Variants in SRRM4 observed in about 807,000 individuals in gnomAD.
SRRM4 encodes serine/arginine repetitive matrix protein 4.
In SRRM4, 33 loss-of-function variants were observed where a neutral mutation model predicts 68.9. The observed-to-expected ratio is 0.48, with a 90% CI of 0.36 to 0.64. SRRM4 has a LOEUF of 0.64. Among genes scored for constraint, SRRM4 ranks in the 30% least tolerant of loss-of-function variants. SRRM4 has a pLI of 0.00. For missense variants in SRRM4, 817 were observed against 827.1 expected, an observed-to-expected ratio of 0.99 and a Z score of 0.15; for synonymous variants, 318 against 318.8, an observed-to-expected ratio of 1.00 and a Z score of 0.03.
At chr12:119,073,770 C>G (rs929153964) in intron 1 of SRRM4, among the ~76,000 whole-genome samples, 1 of 152,038 alleles carries the variant, frequency 6.6e-6, no homozygotes, top group Non-Finnish European at 1.5e-5. Flanking sequence ...ACAGTCATAC[C>G]CTCTGTGCCC....
intron 1 of SRRM4, among the ~76,000 whole-genome samples, chr12:119,049,878 C>T (rs942273318): frequency 2.0e-5 from 3 of 152,126 alleles, no homozygotes; most frequent in Non-Finnish European, 4.4e-5. Flanking sequence ...CCCATAGGAC[C>T]TCATTATACC....
At position 119,154,786 on chromosome 12, in the gene SRRM4, G is replaced by A. The variant is rs571191234; in HGVS notation, c.1532+403G>A. On this transcript the variant is annotated intron_variant, in intron 12 of 12. Coordinates refer to ENST00000267260, the MANE Select transcript of SRRM4 (RefSeq NM_194286.4). This position sits in a 1 kb window ranked among gnomAD's most constrained non-coding sequence, Gnocchi z 4.7. ...TTGGCCTGGTGGTGGATCCCGAGCAGCGGAGACAGACCTCTACCCTCAGAC... is the reference window on the plus strand; with the variant it reads ...TTGGCCTGGTGGTGGATCCCGAGCAACGGAGACAGACCTCTACCCTCAGAC... 3.7e-4 allele frequency among the ~76,000 whole-genome samples: 57 copies of A among 152,336 alleles called. No homozygotes were observed. The highest frequency in any genetic ancestry group is 1.3e-3 in the African/African-American group (55 of 41,574).
At chr12:119,068,859 G>A (rs906566942) in intron 1 of SRRM4, among the ~76,000 whole-genome samples, 2 of 152,130 alleles carry the variant, frequency 1.3e-5, no homozygotes, top group African/African-American at 4.8e-5. Context: ...AAGGTCTAGA[G>A]TCTGGGAGGA....
intron 1 of SRRM4, among the ~76,000 whole-genome samples, chr12:119,088,820 T>C (rs1038136169): frequency 1.3e-5 from 2 of 152,186 alleles, no homozygotes; most frequent in Admixed American, 1.3e-4. Flanking sequence ...CCAGAGAGGT[T>C]GGAAGACTAG....
At chr12:119,137,411 T>C (rs560213842) in intron 8 of SRRM4, among the ~76,000 whole-genome samples, 6 of 152,152 alleles carry the variant, frequency 3.9e-5, no homozygotes, top group Non-Finnish European at 8.8e-5. Context: ...TAAATAATGA[T>C]TTGAAACAAA....
intron 1 of SRRM4, among the ~76,000 whole-genome samples, chr12:119,085,208 AT>A (rs530231130): frequency 1.3e-5 from 2 of 152,162 alleles, no homozygotes; most frequent in Non-Finnish European, 2.9e-5. Context: ...GGCCAATGCC[AT>A]TTTTTAATTA....
At chr12:118,983,599 G>T (rs1273183864) in intron 1 of SRRM4, among the ~76,000 whole-genome samples, 1 of 152,138 alleles carries the variant, frequency 6.6e-6, no homozygotes, top group South Asian at 2.1e-4. Flanking sequence ...CCTTGTAGAA[G>T]GAACTAGAGG....
chr12:119,006,794 G>C (rs1953418960), intron 1 of SRRM4, among the ~76,000 whole-genome samples: 1 of 152,254 alleles, frequency 6.6e-6, no homozygotes, highest in Non-Finnish European at 1.5e-5. Context: ...GCAAGAAAGA[G>C]TTTGCAGCTT....
intron 1 of SRRM4, among the ~76,000 whole-genome samples, chr12:119,061,594 C>A (rs1017461733): frequency 2.1e-4 from 32 of 152,160 alleles, no homozygotes; most frequent in African/African-American, 7.7e-4. Flanking sequence ...ATAATGTGGT[C>A]AATCTTGAAA....
intron 1 of SRRM4, among the ~76,000 whole-genome samples, chr12:119,075,657 CGATGATGGT>C (rs1953906345): frequency 7.7e-6 from 1 of 129,222 alleles, no homozygotes; most frequent in Admixed American, 7.5e-5. Flanking sequence ...ATGATGGTAG[CGATGATGGT>C]GATGATGATG....
intron 1 of SRRM4, among the ~76,000 whole-genome samples, chr12:119,054,721 G>C (rs1309593251): frequency 6.6e-6 from 1 of 152,196 alleles, no homozygotes; most frequent in Non-Finnish European, 1.5e-5. Flanking sequence ...CCAGGAGCTA[G>C]AGCAATGTCA....
chr12:119,004,991 G>C lies in SRRM4; in HGVS notation c.131+22978G>C, dbSNP rs116149552. Among the ~76,000 whole-genome samples the C allele has an allele frequency of 8.4e-3, 1,259 of 150,586 alleles. 24 individuals are homozygous for C. The highest frequency in any genetic ancestry group is 0.029 in the African/African-American group (1,194 of 41,560). On this transcript the variant is annotated intron_variant, in intron 1 of 12. Transcript: ENST00000267260. ...CACCCAGAGAAGATTAAAACAGGCT[G>C]CTAGCAGCATCACAGTTCCTGTGGC...
intron 9 of SRRM4, among the ~76,000 whole-genome samples, chr12:119,148,951 G>A (rs760198689): frequency 6.6e-6 from 1 of 152,182 alleles, no homozygotes; most frequent in East Asian, 1.9e-4. Flanking sequence ...GGTGAGGTGG[G>A]AGGGGTGGGG....
At chr12:118,996,267 T>C (rs1953348949) in intron 1 of SRRM4, among the ~76,000 whole-genome samples, 1 of 152,208 alleles carries the variant, frequency 6.6e-6, no homozygotes, top group East Asian at 1.9e-4. Flanking sequence ...ATCACAGGCA[T>C]CTTGGGTTTG....
chr12:119,022,523 C>T (rs982663275), intron 1 of SRRM4, among the ~76,000 whole-genome samples: 1 of 152,184 alleles, frequency 6.6e-6, no homozygotes, highest in African/African-American at 2.4e-5. Flanking sequence ...AACTTCCTGA[C>T]TGCAATGTTA....
intron 1 of SRRM4, among the ~76,000 whole-genome samples, chr12:119,075,601 GT>G (rs1222854686): frequency 8.8e-5 from 10 of 113,360 alleles, no homozygotes; most frequent in African/African-American, 2.8e-4. Context: ...TGATGATGAT[GT>G]TGATGATGGT....
intron 1 of SRRM4, among the ~76,000 whole-genome samples, chr12:119,068,972 T>C (rs1027804991): frequency 1.3e-5 from 2 of 152,256 alleles, no homozygotes; most frequent in South Asian, 4.2e-4. Flanking sequence ...CTCTGGGGTG[T>C]CCTTTTTCCT....
At chr12:119,124,841 A>T (rs1214835036) in intron 6 of SRRM4, among the ~76,000 whole-genome samples, 5 of 151,986 alleles carry the variant, frequency 3.3e-5, no homozygotes, top group Admixed American at 6.6e-5. Context: ...AAAAAAAAAT[A>T]AGCTTCCATT....
chr12:119,090,141 A>C (rs141108073), intron 1 of SRRM4, among the ~76,000 whole-genome samples: 2 of 152,190 alleles, frequency 1.3e-5, no homozygotes, highest in East Asian at 3.9e-4. Flanking sequence ...TGAAATGTTG[A>C]TTCTGCCATT....
Sources: allele counts gnomAD v4.1 joint callset (sites outside exome capture counted in the v4.1 genomes callset), GRCh38; gene constraint gnomAD v4.1.1; non-coding constraint Gnocchi (gnomAD v3.1); transcripts MANE v1.5; gene names NCBI Gene and HGNC (gene_info 2026-07-23, HGNC 2026-07-21).